The following GTF2IRD1 variants were observed in gnomAD, a reference collection of about 807,000 sequenced individuals.
GTF2IRD1 encodes GTF2I repeat domain containing 1, also known as general transcription factor II-I repeat domain-containing protein 1.
GTF2IRD1 carries 26 observed loss-of-function variants against 113.2 expected under a neutral mutation model. That is an observed-to-expected ratio of 0.23 (90% CI 0.17 to 0.32). GTF2IRD1 has a LOEUF of 0.32. Among genes scored for constraint, GTF2IRD1 ranks in the 10% least tolerant of loss-of-function variants. The probability of loss-of-function intolerance (pLI) is 1.00; values close to 1 mark genes in which losing one functional copy is unlikely to be tolerated. For synonymous variants in GTF2IRD1, 484 were observed against 529.1 expected (o/e 0.91, Z 1.17); for missense variants, 864 against 1,280.8 (o/e 0.67, Z 4.97).
At chr7:74,580,137 CT>C (rs782469237) in intron 22 of GTF2IRD1, among the ~76,000 whole-genome samples, 16 of 152,170 alleles carry the variant, frequency 1.1e-4, no homozygotes, top group African/African-American at 3.6e-4. Flanking sequence ...GGGTTAAAAG[CT>C]GAACCTGAAT....
chr7:74,498,845 C>T (rs1168093922), intron 1 of GTF2IRD1, among the ~76,000 whole-genome samples: 1 of 151,906 alleles, frequency 6.6e-6, no homozygotes, highest in Non-Finnish European at 1.5e-5. Context: ...TCTCCTGCCT[C>T]GGCCTCCCTA....
At chr7:74,470,158 T>C (rs1793994875) in intron 1 of GTF2IRD1, among the ~76,000 whole-genome samples, 1 of 152,054 alleles carries the variant, frequency 6.6e-6, no homozygotes, top group Non-Finnish European at 1.5e-5. Context: ...CCACCATGCC[T>C]GGCTAATTTT....
chr7:74,578,832 C>A (rs1801240251), intron 22 of GTF2IRD1, among the ~76,000 whole-genome samples: 1 of 151,954 alleles, frequency 6.6e-6, no homozygotes, highest in African/African-American at 2.4e-5. Flanking sequence ...CCCATCTCTA[C>A]TAAAAATACA....
chr7:74,482,440 C>T (rs1466458129), intron 1 of GTF2IRD1, among the ~76,000 whole-genome samples: 3 of 151,780 alleles, frequency 2.0e-5, no homozygotes, highest in Non-Finnish European at 4.4e-5. Flanking sequence ...GTTGTCCAGG[C>T]TGGTCTCAAA....
intron 17 of GTF2IRD1, among the ~76,000 whole-genome samples, 163 bp downstream of exon 17, chr7:74,547,449 T>TTC (rs1288381452): frequency 6.7e-6 from 1 of 148,408 alleles, no homozygotes; most frequent in Non-Finnish European, 1.5e-5. Flanking sequence ...CTTTTTTTTT[T>TTC]TTTTTTTTTT....
intron 1 of GTF2IRD1, among the ~76,000 whole-genome samples, chr7:74,466,431 G>A (rs1051159477): frequency 1.3e-5 from 2 of 152,084 alleles, no homozygotes; most frequent in Admixed American, 6.6e-5. Context: ...AGGGGTTCCC[G>A]TGGCTCCTGG....
intron 1 of GTF2IRD1, among the ~76,000 whole-genome samples, chr7:74,474,167 C>T (rs1048241002): frequency 7.2e-5 from 11 of 152,138 alleles, no homozygotes; most frequent in East Asian, 3.9e-4. Flanking sequence ...TGCTTGAACC[C>T]GGGAGGTGAG....
At chr7:74,495,263 T>C (rs1430112938) in intron 1 of GTF2IRD1, among the ~76,000 whole-genome samples, 3 of 152,140 alleles carry the variant, frequency 2.0e-5, no homozygotes, top group Non-Finnish European at 4.4e-5. Flanking sequence ...AGGCCCAGGC[T>C]CTGGGCTGAG....
chr7:74,550,439 T>A (rs1331778278), intron 17 of GTF2IRD1, among the ~76,000 whole-genome samples: 1 of 143,464 alleles, frequency 7.0e-6, no homozygotes, highest in Admixed American at 7.0e-5. Context: ...AAAAAAAAAA[T>A]TAGCCAGGCT....
At chr7:74,496,314 G>A (rs1293540935) in intron 1 of GTF2IRD1, among the ~76,000 whole-genome samples, 2 of 148,644 alleles carry the variant, frequency 1.3e-5, no homozygotes, top group African/African-American at 4.9e-5. Context: ...GTGTGGGGGT[G>A]GGGGTGTGCA....
rs140471483 is a variant in GTF2IRD1, at chr7:74,557,517, T to C, written c.2024-122T>C. The C allele has an allele frequency of 1.7e-3, 1,085 of 652,804 alleles. 15 individuals carry two copies. In the East Asian group the frequency reaches 0.028, roughly 17 times the overall value. 40.4% of individuals were successfully genotyped at this position (652,804 alleles called of 1,614,324 possible). On this transcript the variant is annotated intron_variant, in intron 19 of 26. Transcript: ENST00000424337. ...GTGCTGAAGGACCTGAGGGGCCCAC[T>C]CCAAAGATCCTTTAATTGCCGGAGA... is the stretch of plus-strand genomic sequence containing the variant.
intron 1 of GTF2IRD1, among the ~76,000 whole-genome samples, chr7:74,478,135 C>A (rs925651175): frequency 1.3e-5 from 2 of 152,222 alleles, no homozygotes; most frequent in Non-Finnish European, 2.9e-5. Flanking sequence ...ACCAAATGCC[C>A]GGGTTCCCTG....
intron 1 of GTF2IRD1, among the ~76,000 whole-genome samples, chr7:74,497,570 A>T (rs1486451082): frequency 6.6e-6 from 1 of 150,834 alleles, no homozygotes; most frequent in Non-Finnish European, 1.5e-5. Flanking sequence ...TCCTATTTTT[A>T]ATTTTTTGAG....
chr7:74,560,589 G>GAGAC (rs1480693634), intron 22 of GTF2IRD1, among the ~76,000 whole-genome samples: 1 of 149,040 alleles, frequency 6.7e-6, no homozygotes, highest in Non-Finnish European at 1.5e-5. Context: ...TATAGAGAGA[G>GAGAC]AGAGAGACAG....
intron 22 of GTF2IRD1, among the ~76,000 whole-genome samples, chr7:74,564,566 C>T (rs1262769091): frequency 6.6e-6 from 1 of 152,104 alleles, no homozygotes; most frequent in Non-Finnish European, 1.5e-5. Context: ...GCCTGGGTAA[C>T]ATAGCAAGAT....
At chr7:74,504,810 C>T (rs990683372) in intron 1 of GTF2IRD1, among the ~76,000 whole-genome samples, 50 of 150,374 alleles carry the variant, frequency 3.3e-4, no homozygotes, top group African/African-American at 4.4e-4. Flanking sequence ...GGGGTTCCAG[C>T]GATTCTCCTG....
chr7:74,529,027 A>G (rs1797805050), intron 8 of GTF2IRD1, among the ~76,000 whole-genome samples: 1 of 151,954 alleles, frequency 6.6e-6, no homozygotes, highest in South Asian at 2.1e-4. Context: ...GGACTGATGG[A>G]TGGATGTTTA....
chr7:74,461,766 A>G (rs1793383413), intron 1 of GTF2IRD1, among the ~76,000 whole-genome samples: 1 of 151,968 alleles, frequency 6.6e-6, no homozygotes, highest in African/African-American at 2.4e-5. Context: ...TTTAGTAGAG[A>G]TGGGGTTTTG....
intron 8 of GTF2IRD1, among the ~76,000 whole-genome samples, chr7:74,526,111 T>C (rs1282029862): frequency 1.3e-5 from 2 of 151,996 alleles, no homozygotes; most frequent in African/African-American, 4.8e-5. Flanking sequence ...CAGGCGGAGG[T>C]TGGGGGAGGG....
Sources: gnomAD v4.1 joint callset for allele counts (sites outside exome capture counted in the v4.1 genomes callset) on GRCh38, gnomAD v4.1.1 for gene constraint, MANE v1.5 for transcripts, NCBI Gene and HGNC (gene_info 2026-07-23, HGNC 2026-07-21) for gene names.